CCDC80: variants seen among roughly 807,000 people sequenced by gnomAD.
The protein encoded by CCDC80 is coiled-coil domain-containing protein 80.
In CCDC80, 49 loss-of-function variants were observed where a neutral mutation model predicts 78.7. The observed-to-expected ratio is 0.62, with a 90% CI of 0.50 to 0.79. CCDC80 has a LOEUF of 0.79. Among genes scored for constraint, CCDC80 ranks in the 30% least tolerant of loss-of-function variants. CCDC80 has a pLI of 0.00. For synonymous variants in CCDC80, 488 were observed against 447.0 expected (o/e 1.09, Z -1.16); for missense variants, 1,205 against 1,198.6 (o/e 1.01, Z -0.08).
At chr3:112,631,141 T>C (rs1033999228) in intron 2 of CCDC80, among the ~76,000 whole-genome samples, 4 of 152,204 alleles carry the variant, frequency 2.6e-5, no homozygotes, top group Non-Finnish European at 1.5e-5. Flanking sequence ...CTTGAATCTT[T>C]TCTCTGAGAA....
chr3:112,619,990 T>C (rs530538629), intron 3 of CCDC80, among the ~76,000 whole-genome samples: 8 of 151,994 alleles, frequency 5.3e-5, no homozygotes, highest in Admixed American at 5.2e-4. Flanking sequence ...TAAAAACAAA[T>C]GTGAAAAAAT....
Position 112,607,177 on chromosome 3 carries a change from A to C in CCDC80, c.2505T>G (p.Asn835Lys). 2 of 1,607,940 alleles carry C rather than the reference A, an allele frequency of 1.2e-6. No individual in the cohort carries two copies. Among genetic ancestry groups the C allele is most frequent in the Non-Finnish European group, 8.5e-7 (1 of 1,175,490 alleles). ...TGTTTCAAGATAACAACACATTACC[A>C]TTAATTGGGAACAGTTCTAACACTC... ...VGGVLELFPI[N>K]GSSVVEREDV... The change falls in exon 7 of 8, where the codon AAT becomes AAG. Residue 835 changes from asparagine (N) to lysine (K), a missense_variant and splice_region_variant. Asn to Lys is a moderately conservative substitution (Grantham distance 94, BLOSUM62 0). Transcript: ENST00000206423.
intron 3 of CCDC80, among the ~76,000 whole-genome samples, chr3:112,621,467 C>A (rs1302429663): frequency 1.3e-5 from 2 of 152,132 alleles, no homozygotes; most frequent in African/African-American, 4.8e-5. Flanking sequence ...GATGCATGAG[C>A]AAACCTAACC....
rs1315188687 is a variant in CCDC80, at chr3:112,602,349, T to C, written c.*3068A>G. 6.6e-6 allele frequency: 1 copy of C among 152,188 alleles called. No individual in the cohort carries two copies. The highest frequency in any genetic ancestry group is 6.5e-5 in the Admixed American group (1 of 15,276). The allele number at this position is 152,188 out of a possible 1,614,324, so 9.4% of individuals were successfully genotyped here. On this transcript the variant is annotated 3_prime_UTR_variant, in exon 8 of 8. Coordinates refer to ENST00000206423, the MANE Select transcript of CCDC80 (RefSeq NM_199511.3). The stretch of plus-strand genomic sequence containing the variant: ...AGTAGATCAATTAATAACCCTAAAA[T>C]AGCCTCCAGGTATTTCAAGTGAGAG...
rs932278307 is a variant in CCDC80 at position 112,624,032 on chromosome 3, C to T, written c.2036-4928G>A. Reference sequence around the variant, plus strand: ...CTGGCACAGTTCCTAGCATACAACCCCAGCATTCAGTAAAGATTTGGTAAT... The same window carrying T: ...CTGGCACAGTTCCTAGCATACAACCTCAGCATTCAGTAAAGATTTGGTAAT... On this transcript the variant is annotated intron_variant, in intron 3 of 7. Coordinates refer to ENST00000206423, the MANE Select transcript of CCDC80 (RefSeq NM_199511.3). Among the ~76,000 whole-genome samples the T allele has an allele frequency of 4.6e-5, 7 of 152,240 alleles. No individual in the cohort carries two copies. The South Asian group carries it at 1.2e-3, about 27-fold the overall frequency.
At chr3:112,618,317 G>A (rs367654516) in intron 4 of CCDC80, among the ~76,000 whole-genome samples, 3 of 152,098 alleles carry the variant, frequency 2.0e-5, no homozygotes, top group African/African-American at 4.8e-5. Context: ...TCAGGAGATC[G>A]AGACCATCCT....
chr3:112,607,207 A>C lies in CCDC80; in HGVS notation c.2475T>G (p.Val825=). 1.2e-6 allele frequency: 2 copies of C among 1,613,982 alleles called. No individual in the cohort carries two copies. Among genetic ancestry groups the C allele is most frequent in the Non-Finnish European group, 1.7e-6 (2 of 1,179,890 alleles). The change falls in exon 7 of 8, where the codon GTT becomes GTG. Residue 825 remains valine, a synonymous_variant. Transcript: ENST00000206423. ...ILKLLGVGEE[V]GGVLELFPIN... Reference sequence around the variant, plus strand: ...TTGGGAACAGTTCTAACACTCCCCCAACTTCCTCTCCAACGCCTAAAAGCT... The same window carrying C: ...TTGGGAACAGTTCTAACACTCCCCCCACTTCCTCTCCAACGCCTAAAAGCT...
At chr3:112,609,730 T>C (rs1935586878) in intron 6 of CCDC80, among the ~76,000 whole-genome samples, 1 of 151,900 alleles carries the variant, frequency 6.6e-6, no homozygotes, top group Non-Finnish European at 1.5e-5. Context: ...AATCAGAAGA[T>C]ATTTTCAAAC....
Position 112,604,288 on chromosome 3 carries a change from T to C in CCDC80, c.*1129A>G, listed in dbSNP as rs1935428701. The C allele has an allele frequency of 6.6e-6, 1 of 152,166 alleles. No individual in the cohort carries two copies. The highest frequency in any genetic ancestry group is 6.5e-5 in the Admixed American group (1 of 15,268). The allele number at this position is 152,166 out of a possible 1,614,324, so 9.4% of individuals were successfully genotyped here. A position where few individuals can be genotyped will look rare whatever the true frequency, so the allele number is the denominator to read the frequency against. ...AGCATCACATGCTGCAGAGAAATCTTTCATGAAGAAAAAGTCAATCGAAGT... is the reference window on the plus strand; with the variant it reads ...AGCATCACATGCTGCAGAGAAATCTCTCATGAAGAAAAAGTCAATCGAAGT... On this transcript the variant is annotated 3_prime_UTR_variant, in exon 8 of 8. Coordinates refer to ENST00000206423, the MANE Select transcript of CCDC80 (RefSeq NM_199511.3).
rs375518923 is a variant in CCDC80 at position 112,618,069 on chromosome 3, C to T, written c.2172+899G>A. Among the ~76,000 whole-genome samples the T allele has an allele frequency of 1.4e-4, 22 of 152,248 alleles. No individual in the cohort carries two copies. In the South Asian group the frequency reaches 3.1e-3, roughly 22 times the overall value. ...AAATAATGTTAGCATTTATCTTAGA[C>T]GTGTGAGACTAAGGATTGCAAAGGG... On this transcript the variant is annotated intron_variant, in intron 4 of 7. Coordinates refer to ENST00000206423, the MANE Select transcript of CCDC80 (RefSeq NM_199511.3).
rs1175924075 is a variant in CCDC80 at position 112,601,398 on chromosome 3, A to G, written c.*4019T>C. The G allele has an allele frequency of 6.6e-6, 1 of 152,256 alleles. No individual in the cohort carries two copies. The highest frequency in any genetic ancestry group is 2.4e-5 in the African/African-American group (1 of 41,460). 9.4% of individuals were successfully genotyped at this position (152,256 alleles called of 1,614,324 possible). A position where few individuals can be genotyped will look rare whatever the true frequency, so the allele number is the denominator to read the frequency against. On this transcript the variant is annotated 3_prime_UTR_variant, in exon 8 of 8. Coordinates refer to ENST00000206423, the MANE Select transcript of CCDC80 (RefSeq NM_199511.3). ...TTAATGATTAATAACAGTGGAAAAT[A>G]GCCTTCCCATTATTGTTAGAGGATG...
intron 5 of CCDC80, among the ~76,000 whole-genome samples, chr3:112,610,872 C>A (rs558598490): frequency 2.0e-5 from 3 of 151,762 alleles, no homozygotes; most frequent in Admixed American, 6.6e-5. Flanking sequence ...ACTCAATTCA[C>A]CAAAGTCTCA....
intron 2 of CCDC80, among the ~76,000 whole-genome samples, chr3:112,630,485 A>T (rs1576792487): frequency 6.6e-6 from 1 of 152,134 alleles, no homozygotes; most frequent in Non-Finnish European, 1.5e-5. Context: ...ACTCACTTCC[A>T]TTATTTACCT....
intron 2 of CCDC80, among the ~76,000 whole-genome samples, chr3:112,630,826 T>C (rs1422536289): frequency 6.6e-6 from 1 of 152,192 alleles, no homozygotes; most frequent in African/African-American, 2.4e-5. Context: ...GGCCTACGTT[T>C]TGTCACATAG....
In CCDC80 at chr3:112,618,972, A is replaced by G. The variant is rs1347314212; in HGVS notation, c.2168T>C (p.Val723Ala). 2 of 1,613,690 alleles carry G rather than the reference A, an allele frequency of 1.2e-6. No individual in the cohort carries two copies. The highest frequency in any genetic ancestry group is 4.5e-5 in the East Asian group (2 of 44,864). ...FMVLTDVDLR[V>A]KQYYEVPITM... ...ATTCAGAATAAGAAACTGTACCTTGACTCTCAGATCCACATCTGTTAGCAC... is the reference window on the plus strand; with the variant it reads ...ATTCAGAATAAGAAACTGTACCTTGGCTCTCAGATCCACATCTGTTAGCAC... Residue 723 changes from valine to alanine, a missense_variant, in exon 4 of 8, where the codon GTC (valine) becomes GCC (alanine). Transcript: ENST00000206423.
intron 3 of CCDC80, among the ~76,000 whole-genome samples, chr3:112,622,460 C>T (rs1159223110): frequency 6.6e-6 from 1 of 152,132 alleles, no homozygotes; most frequent in Non-Finnish European, 1.5e-5. Flanking sequence ...CCTGTCTCAG[C>T]TCCTGCTCCT....
At chr3:112,620,811 A>G (rs972067124) in intron 3 of CCDC80, among the ~76,000 whole-genome samples, 1 of 152,248 alleles carries the variant, frequency 6.6e-6, no homozygotes, top group African/African-American at 2.4e-5. Flanking sequence ...ACCAGATTTT[A>G]TCTTGTATTT....
At position 112,599,788 on chromosome 3, in the gene CCDC80, T is replaced by C. The variant is rs1935343225; in HGVS notation, c.*5629A>G. Reference sequence around the variant, plus strand: ...CCTGTGTCTGGACCTCCTGCCTATGTAGCAGAAAAGGATCTTTCTGCTGAA... The same window carrying C: ...CCTGTGTCTGGACCTCCTGCCTATGCAGCAGAAAAGGATCTTTCTGCTGAA... On this transcript the variant is annotated 3_prime_UTR_variant, in exon 8 of 8. Transcript: ENST00000206423. The C allele has an allele frequency of 6.6e-6, 1 of 152,220 alleles. No homozygotes were observed. Among genetic ancestry groups the C allele is most frequent in the Non-Finnish European group, 1.5e-5 (1 of 68,042 alleles). The allele number at this position is 152,220 out of a possible 1,614,324, so 9.4% of individuals were successfully genotyped here.
At chr3:112,635,865 G>T (rs1936197621) in intron 2 of CCDC80, among the ~76,000 whole-genome samples, 1 of 152,192 alleles carries the variant, frequency 6.6e-6, no homozygotes, top group African/African-American at 2.4e-5. Context: ...TTAAAAGCAG[G>T]ATTGGCCCAG....
Sources: gnomAD v4.1 joint callset for allele counts (sites outside exome capture counted in the v4.1 genomes callset) on GRCh38, gnomAD v4.1.1 for gene constraint, MANE v1.5 for transcripts, NCBI Gene and HGNC (gene_info 2026-07-23, HGNC 2026-07-21) for gene names.